The following FSTL5 variants were observed in gnomAD, a reference collection of about 807,000 sequenced individuals.
The protein encoded by FSTL5 is follistatin like 5, also known as follistatin-related protein 5.
FSTL5 carries 62 observed loss-of-function variants against 89.1 expected under a neutral mutation model. The observed-to-expected ratio is 0.70, with a 90% CI of 0.57 to 0.86. FSTL5 has a LOEUF of 0.86. Among genes scored for constraint, FSTL5 ranks in the 40% least tolerant of loss-of-function variants. The probability of loss-of-function intolerance (pLI) is 0.00; values close to 1 mark genes in which losing one functional copy is unlikely to be tolerated. For synonymous variants in FSTL5, 383 were observed against 346.2 expected (o/e 1.11, Z -1.18); for missense variants, 1,057 against 1,001.6 (o/e 1.06, Z -0.75).
At chr4:162,031,620 A>T (rs1737524134) in intron 3 of FSTL5, among the ~76,000 whole-genome samples, 2 of 152,140 alleles carry the variant, frequency 1.3e-5, no homozygotes, top group Admixed American at 1.3e-4. Flanking sequence ...TCATGTAAAC[A>T]TGTATCTCTG....
chr4:162,116,501 C>T (rs1001794995), intron 1 of FSTL5, among the ~76,000 whole-genome samples: 1 of 152,160 alleles, frequency 6.6e-6, no homozygotes, highest in Non-Finnish European at 1.5e-5. Flanking sequence ...GAAGTCCCTG[C>T]CCCCTGCCAC....
intron 3 of FSTL5, among the ~76,000 whole-genome samples, chr4:161,948,823 T>C (rs1315049047): frequency 1.3e-5 from 2 of 152,204 alleles, no homozygotes; most frequent in East Asian, 3.8e-4. Flanking sequence ...TATTCCATCA[T>C]ATTCTGACTT....
chr4:161,940,560 A>T (rs1734552570), intron 3 of FSTL5, among the ~76,000 whole-genome samples: 1 of 151,824 alleles, frequency 6.6e-6, no homozygotes, highest in Admixed American at 6.6e-5. Flanking sequence ...CAATACAAAT[A>T]ACAGCTGATT....
intron 15 of FSTL5, among the ~76,000 whole-genome samples, chr4:161,444,661 A>T (rs1732884493): frequency 6.6e-6 from 1 of 151,860 alleles, no homozygotes. Flanking sequence ...TAGGCACAAA[A>T]ATATGGTGTA....
At chr4:161,610,558 A>G (rs1005873167) in intron 7 of FSTL5, among the ~76,000 whole-genome samples, 1 of 152,172 alleles carries the variant, frequency 6.6e-6, no homozygotes, top group African/African-American at 2.4e-5. Flanking sequence ...CCAGGTTTCT[A>G]AGATCTAATA....
At position 161,898,669 on chromosome 4, in the gene FSTL5, G is replaced by T. The variant is rs1733250604; in HGVS notation, c.409+21735C>A. Among the ~76,000 whole-genome samples the T allele has an allele frequency of 2.3e-5, 3 of 132,610 alleles. No individual in the cohort carries two copies. The South Asian group carries it at 7.1e-4, about 31-fold the overall frequency. 87.0% of individuals were successfully genotyped at this position (132,610 alleles called of 152,430 possible). A position where few individuals can be genotyped will look rare whatever the true frequency, so the allele number is the denominator to read the frequency against. On this transcript the variant is annotated intron_variant, in intron 4 of 15. Coordinates refer to ENST00000306100, the MANE Select transcript of FSTL5 (RefSeq NM_020116.5). ...TTTTGAGACGGAGTCTCACTCTGTC[G>T]CCCAGGCTGGAGTGCAGTGGCATGA...
chr4:162,017,527 G>A (rs1670379685), intron 3 of FSTL5, among the ~76,000 whole-genome samples: 2 of 152,094 alleles, frequency 1.3e-5, no homozygotes, highest in Non-Finnish European at 2.9e-5. Flanking sequence ...GGTGTCTATT[G>A]CCATTTTGAA....
chr4:161,967,293 A>C (rs2111001852), intron 3 of FSTL5, among the ~76,000 whole-genome samples: 1 of 152,126 alleles, frequency 6.6e-6, no homozygotes, highest in African/African-American at 2.4e-5. Flanking sequence ...TCTTTGACTC[A>C]TCTGGAAGGT....
chr4:162,073,375 T>C (rs1443106918), intron 2 of FSTL5, among the ~76,000 whole-genome samples: 1 of 151,750 alleles, frequency 6.6e-6, no homozygotes, highest in East Asian at 1.9e-4. Context: ...TGTCTTACAA[T>C]AAATTATCTG....
chr4:161,735,148 A>G (rs1739767284), intron 6 of FSTL5, among the ~76,000 whole-genome samples: 1 of 152,210 alleles, frequency 6.6e-6, no homozygotes, highest in South Asian at 2.1e-4. Flanking sequence ...AATTTGCTGG[A>G]ACTGCTCACA....
At chr4:161,817,593 G>A (rs76332666) in intron 4 of FSTL5, among the ~76,000 whole-genome samples, 2 of 152,040 alleles carry the variant, frequency 1.3e-5, no homozygotes, top group Admixed American at 1.3e-4. Flanking sequence ...GCAATTCTTA[G>A]CAGTTTTATT....
intron 5 of FSTL5, among the ~76,000 whole-genome samples, chr4:161,766,906 C>T (rs7690178): frequency 7.2e-6 from 1 of 138,620 alleles, no homozygotes; most frequent in Non-Finnish European, 1.6e-5. Flanking sequence ...GATGATAGAT[C>T]GATTGATAGA....
At position 161,920,647 on chromosome 4, in the gene FSTL5, T is replaced by C. The variant is rs148108933; in HGVS notation, c.166A>G (p.Met56Val). 142 of 1,567,250 alleles carry C rather than the reference T, an allele frequency of 9.1e-5. 1 individual carries two copies. In the Middle Eastern group the frequency reaches 4.9e-3, roughly 54 times the overall value. Residue 56 changes from methionine (M) to valine (V), a missense_variant, in exon 4 of 16, where the codon ATG (methionine) becomes GTG (valine). By Grantham distance (21) the Met-to-Val change is conservative (BLOSUM62 1). Transcript: ENST00000306100. ...GATCCAAAAGGGCCATCCTGAATCA[T>C]AAATCCTGAAGAATTAAAAAAAAAT... ...NQESSRVKGF[M>V]IQDGPFGSCE... is the part of the protein sequence containing the mutation.
chr4:161,386,227 C>A lies in FSTL5; in HGVS notation c.2064G>T (p.Gly688=). The change falls in exon 16 of 16, where the codon GGG becomes GGT. Residue 688 remains glycine (G), a synonymous_variant. Coordinates refer to ENST00000306100, the MANE Select transcript of FSTL5 (RefSeq NM_020116.5). ...MVDGVTDSVI[G]FNSDVTGTPY... ...GAGTGCCCGTCACATCACTATTGAA[C>A]CCAATGACTGAGTCAGTTACACCGT... 2 of 1,613,980 alleles carry A rather than the reference C, an allele frequency of 1.2e-6. No homozygotes were observed. The highest frequency in any genetic ancestry group is 1.7e-6 in the Non-Finnish European group (2 of 1,179,962).
In FSTL5 at chr4:161,431,443, T is replaced by C. The variant is rs1217018932; in HGVS notation, c.1841+23561A>G. Among the ~76,000 whole-genome samples, 7 of 147,210 alleles carry C rather than the reference T, an allele frequency of 4.8e-5. No homozygotes were observed. The South Asian group carries it at 1.5e-3, about 31-fold the overall frequency. ...ATTATTTGTAAGCCTCATGGTAACC[T>C]CAAATAAAAAAAAAAACAGATAAAC... is the stretch of plus-strand genomic sequence containing the variant. On this transcript the variant is annotated intron_variant, in intron 15 of 15. Transcript: ENST00000306100.
At chr4:161,602,806 T>C (rs925207535) in intron 7 of FSTL5, among the ~76,000 whole-genome samples, 1 of 152,162 alleles carries the variant, frequency 6.6e-6, no homozygotes, top group Non-Finnish European at 1.5e-5. Flanking sequence ...GAATGTCATA[T>C]ACAGCAAAAG....
intron 4 of FSTL5, among the ~76,000 whole-genome samples, chr4:161,872,134 T>TTGTTTG (rs1419308221): frequency 0.053 from 2,602 of 49,266 alleles, 191 homozygotes; most frequent in East Asian, 0.16. Flanking sequence ...GTTTGTTTTT[T>TTGTTTG]TTTTTGGTTT....
intron 3 of FSTL5, among the ~76,000 whole-genome samples, chr4:161,980,442 C>A (rs1424408447): frequency 6.6e-6 from 1 of 152,028 alleles, no homozygotes; most frequent in African/African-American, 2.4e-5. Context: ...GGCACATGTT[C>A]TTTTGTTTCC....
chr4:161,805,796 A>T (rs555094467), intron 4 of FSTL5, among the ~76,000 whole-genome samples: 1 of 152,194 alleles, frequency 6.6e-6, no homozygotes, highest in African/African-American at 2.4e-5. Flanking sequence ...CCTACCATTT[A>T]CAGTATACAA....
Sources: gnomAD v4.1 joint callset for allele counts (sites outside exome capture counted in the v4.1 genomes callset) on GRCh38, gnomAD v4.1.1 for gene constraint, MANE v1.5 for transcripts, NCBI Gene and HGNC (gene_info 2026-07-23, HGNC 2026-07-21) for gene names.